The following BCAP31 variants were observed in gnomAD, a reference collection of about 807,000 sequenced individuals.
BCAP31 encodes the protein B cell receptor associated protein 31.
For synonymous variants in BCAP31, 75 were observed against 80.9 expected (o/e 0.93, Z 0.39); for missense variants, 124 against 193.0 (o/e 0.64, Z 2.12).
At chrX:153,710,825 G>A (rs1172001805) in intron 4 of BCAP31, among the ~76,000 whole-genome samples, 2 of 111,553 alleles carry the variant, frequency 1.8e-5, no homozygotes, top group African/African-American at 6.5e-5. Flanking sequence ...TCCCCTCCTT[G>A]GCCACTAACC....
At position 153,702,072 on chromosome X, in the gene BCAP31, G is replaced by A. The variant is rs372317882; in HGVS notation, c.637C>T (p.Arg213Trp). ...EKAENQVLAM[R>W]KQSEGLTKEY... is the part of the protein sequence containing the mutation. The stretch of plus-strand genomic sequence containing the variant: ...TTGGTGAGGCCCTCAGACTGCTTCC[G>A]CATGGCCAGAACCTGGTTTTCAGCT... Residue 213 changes from arginine to tryptophan, a missense_variant, in exon 7 of 8, where the codon CGG becomes TGG. Coordinates refer to ENST00000345046, the MANE Select transcript of BCAP31 (RefSeq NM_001256447.2). 1.2e-5 allele frequency: 15 copies of A among 1,209,119 alleles called. No individual in the cohort carries two copies. Among genetic ancestry groups the A allele is most frequent in the Middle Eastern group, 2.3e-4 (1 of 4,336 alleles).
chrX:153,723,581 G>A, intron 1 of BCAP31: 1 of 1,168,257 alleles, frequency 8.6e-7, no homozygotes, highest in Non-Finnish European at 1.1e-6. Context: ...GGAAGCCCGA[G>A]ATTTCCGACG....
chrX:153,715,878 C>G (rs1039596544), intron 3 of BCAP31, among the ~76,000 whole-genome samples, 189 bp from the exon 4 acceptor site: 1 of 110,752 alleles, frequency 9.0e-6, no homozygotes, highest in East Asian at 2.8e-4. Context: ...CACCCTCAGG[C>G]CAGGTGCAGT....
intron 4 of BCAP31, among the ~76,000 whole-genome samples, chrX:153,713,271 C>T (rs1293697850): frequency 9.0e-6 from 1 of 111,476 alleles, no homozygotes; most frequent in South Asian, 3.8e-4. Flanking sequence ...ATCCACATGG[C>T]AGCCACTCAT....
intron 6 of BCAP31, chrX:153,702,467 ACAG>A: frequency 8.5e-5 from 17 of 199,253 alleles, no homozygotes; most frequent in East Asian, 3.8e-4. Flanking sequence ...CGCCTTGCAC[ACAG>A]CAGCAGCAGG....
At chrX:153,714,639 G>A (rs1557049747) in intron 4 of BCAP31, among the ~76,000 whole-genome samples, 1 of 110,974 alleles carries the variant, frequency 9.0e-6, no homozygotes, top group African/African-American at 3.3e-5. Context: ...AATCTCCTAG[G>A]CATGGAGATT....
chrX:153,711,008 A>G (rs1557049077), intron 4 of BCAP31, among the ~76,000 whole-genome samples: 1 of 111,491 alleles, frequency 9.0e-6, no homozygotes, highest in African/African-American at 3.3e-5. Context: ...TATCCTGCTC[A>G]TCTGCCAGGC....
chrX:153,724,322 G>A lies in BCAP31; in HGVS notation c.-45+12C>T, dbSNP rs1191649858. 1 of 156,403 alleles carries A rather than the reference G, an allele frequency of 6.4e-6. No homozygotes were observed. Among genetic ancestry groups the A allele is most frequent in the Non-Finnish European group, 1.2e-5 (1 of 81,821 alleles). The allele number at this position is 156,403 out of a possible 1,213,427, so 12.9% of individuals were successfully genotyped here. A position where few individuals can be genotyped will look rare whatever the true frequency, so the allele number is the denominator to read the frequency against. Reference sequence around the variant, plus strand: ...GTCCCGGAGCCCAGCCCGGCGCGCGGAGCCCGCTCACCGAGTTTCCCACAG... The same window carrying A: ...GTCCCGGAGCCCAGCCCGGCGCGCGAAGCCCGCTCACCGAGTTTCCCACAG... On this transcript the variant is annotated intron_variant, in intron 1 of 7. Coordinates refer to ENST00000345046, the MANE Select transcript of BCAP31 (RefSeq NM_001256447.2).
intron 4 of BCAP31, chrX:153,715,319 G>A: frequency 2.3e-6 from 1 of 441,814 alleles, no homozygotes; most frequent in Admixed American, 4.1e-5. Context: ...GGTGTGTGAG[G>A]GTCTTCTGAT....
chrX:153,708,363 G>A (rs1285323699), intron 4 of BCAP31, among the ~76,000 whole-genome samples: 1 of 112,474 alleles, frequency 8.9e-6, no homozygotes, highest in Non-Finnish European at 1.9e-5. Context: ...AAGAGGACAC[G>A]GGCTTAATAG....
intron 5 of BCAP31, among the ~76,000 whole-genome samples, chrX:153,703,429 G>A (rs1393874861): frequency 7.1e-5 from 8 of 112,948 alleles, no homozygotes; most frequent in Non-Finnish European, 5.6e-5. Flanking sequence ...ACATGGTGCC[G>A]CTCACTGCAG....
rs781865118 is a variant in BCAP31 at position 153,701,028 on chromosome X, CCT to C, written c.703-55_703-54del. ...GTAGGTTGGCCGGGTCCACTCCTCC[CCT>C]GCCACCTCCAGCCCCATGCCCCAGA... On this transcript the variant is annotated intron_variant, in intron 7 of 7. Transcript: ENST00000345046. 1.2e-5 allele frequency: 13 copies of C among 1,067,805 alleles called. No individual in the cohort carries two copies. In the Admixed American group the frequency reaches 2.8e-4, roughly 23 times the overall value. 88.0% of individuals were successfully genotyped at this position (1,067,805 alleles called of 1,213,427 possible). A position where few individuals can be genotyped will look rare whatever the true frequency, so the allele number is the denominator to read the frequency against.
intron 2 of BCAP31, among the ~76,000 whole-genome samples, chrX:153,721,985 T>C (rs977787740): frequency 1.8e-5 from 2 of 111,968 alleles, no homozygotes; most frequent in African/African-American, 6.5e-5. Flanking sequence ...TTACTTTTCA[T>C]TGTACTCCCC....
intron 2 of BCAP31, among the ~76,000 whole-genome samples, chrX:153,721,968 G>A (rs1193914056): frequency 1.8e-5 from 2 of 111,484 alleles, no homozygotes; most frequent in Admixed American, 9.5e-5. Flanking sequence ...TCTCTGAAAA[G>A]GGAAACTTAC....
At chrX:153,723,094 C>T (rs2091678979) in intron 2 of BCAP31, 59 bp downstream of exon 2, 2 of 1,179,890 alleles carry the variant, frequency 1.7e-6, no homozygotes, top group South Asian at 1.9e-5. Context: ...ACACCAGTCC[C>T]AGGGCTAGGG....
intron 4 of BCAP31, among the ~76,000 whole-genome samples, chrX:153,713,292 A>G: frequency 9.0e-6 from 1 of 111,469 alleles, no homozygotes. Flanking sequence ...GTGGGTTAGG[A>G]CCACACCTAA....
intron 4 of BCAP31, among the ~76,000 whole-genome samples, chrX:153,707,444 T>C (rs1603224871): frequency 9.2e-6 from 1 of 108,958 alleles, no homozygotes; most frequent in African/African-American, 3.4e-5. Context: ...GGAGAGGAAA[T>C]GCTCCCTGAC....
At chrX:153,703,911 C>T (rs1557047888) in intron 5 of BCAP31, 48 bp downstream of exon 5, 1 of 1,194,207 alleles carries the variant, frequency 8.4e-7, no homozygotes, top group African/African-American at 1.7e-5. Context: ...GTGGCTCCCA[C>T]AGTGTAACAC....
rs184091806 is a variant in BCAP31, at chrX:153,713,172, A to G, written c.341+2370T>C. 2.7e-5 allele frequency among the ~76,000 whole-genome samples: 3 copies of G among 110,640 alleles called. No individual in the cohort carries two copies. The Admixed American group carries it at 2.9e-4, about 11-fold the overall frequency. ...CAGTGAGCCGAGATCGAGCCACTGC[A>G]CTCCTGCCTGGGCGACAGAGTGAGA... On this transcript the variant is annotated intron_variant, in intron 4 of 7. Transcript: ENST00000345046.
Sources: gnomAD v4.1 joint callset for allele counts (sites outside exome capture counted in the v4.1 genomes callset) on GRCh38, gnomAD v4.1.1 for gene constraint, MANE v1.5 for transcripts, NCBI Gene and HGNC (gene_info 2026-07-23, HGNC 2026-07-21) for gene names.